PEX14: variants seen among roughly 807,000 people sequenced by gnomAD.
PEX14 encodes peroxisomal biogenesis factor 14.
Under a neutral mutation model 49.5 loss-of-function variants are expected in PEX14, and 15 were observed. The ratio of observed to expected loss-of-function variants is 0.30; its 90% CI spans 0.20 to 0.47. The LOEUF is 0.47. Among genes scored for constraint, PEX14 ranks in the 20% least tolerant of loss-of-function variants. The probability of loss-of-function intolerance (pLI) is 1.00; values close to 1 mark genes in which losing one functional copy is unlikely to be tolerated. For synonymous variants in PEX14, 210 were observed against 212.7 expected (o/e 0.99, Z 0.11); for missense variants, 398 against 494.8 (o/e 0.80, Z 1.86).
chr1:10,589,029 G>C (rs1290125373), intron 3 of PEX14, among the ~76,000 whole-genome samples: 1 of 152,044 alleles, frequency 6.6e-6, no homozygotes, highest in Admixed American at 6.5e-5. Flanking sequence ...AGATAAGGGT[G>C]GGCTACTGTA....
Position 10,630,207 on chromosome 1 carries a change from C to A in PEX14, c.*220C>A. 2.8e-6 allele frequency: 2 copies of A among 702,710 alleles called. No individual in the cohort carries two copies. The highest frequency in any genetic ancestry group is 4.6e-6 in the Non-Finnish European group (2 of 432,564). 43.5% of individuals were successfully genotyped at this position (702,710 alleles called of 1,614,324 possible). A position where few individuals can be genotyped will look rare whatever the true frequency, so the allele number is the denominator to read the frequency against. On this transcript the variant is annotated 3_prime_UTR_variant, in exon 9 of 9. Transcript: ENST00000356607. The surrounding 1 kb of genome is among the most constrained non-coding windows in gnomAD (Gnocchi z 4.1). ...CGCCAGCCCCAGCCCCAGCCCCAGCCCCAGGCCCAGCTGCCTTTGGCTTTG... is the reference window on the plus strand; with the variant it reads ...CGCCAGCCCCAGCCCCAGCCCCAGCACCAGGCCCAGCTGCCTTTGGCTTTG...
In PEX14 at chr1:10,629,009, C is replaced by G. The variant is rs956355830; in HGVS notation, c.678-522C>G. ...AGAAGTTTTCTAGCAAAGGGCATAA[C>G]CACCGCCCTTTTGGTTCTGATGTGT... is the stretch of plus-strand genomic sequence containing the variant. On this transcript the variant is annotated intron_variant, in intron 8 of 8. Coordinates refer to ENST00000356607, the MANE Select transcript of PEX14 (RefSeq NM_004565.3). This position sits in a 1 kb window ranked among gnomAD's most constrained non-coding sequence, Gnocchi z 8.5. Among the ~76,000 whole-genome samples the G allele has an allele frequency of 1.1e-4, 17 of 152,362 alleles. No individual in the cohort carries two copies. Among genetic ancestry groups the G allele is most frequent in the African/African-American group, 3.6e-4 (15 of 41,580 alleles).
rs1296744429 is a variant in PEX14, at chr1:10,630,016, G to A, written c.*29G>A. The A allele has an allele frequency of 2.5e-6, 4 of 1,604,832 alleles. No homozygotes were observed. In the East Asian group the frequency reaches 8.9e-5, roughly 36 times the overall value. On this transcript the variant is annotated 3_prime_UTR_variant, in exon 9 of 9. Transcript: ENST00000356607. The surrounding 1 kb of genome is among the most constrained non-coding windows in gnomAD (Gnocchi z 4.1). ...TGCGCCTGCTGCCTCCAGCCCTGAGGATGGCATCTAGTGTGCCCGTGCGTG... is the reference window on the plus strand; with the variant it reads ...TGCGCCTGCTGCCTCCAGCCCTGAGAATGGCATCTAGTGTGCCCGTGCGTG...
intron 3 of PEX14, among the ~76,000 whole-genome samples, chr1:10,576,875 G>C (rs1424516406): frequency 6.6e-6 from 1 of 151,234 alleles, no homozygotes; most frequent in African/African-American, 2.4e-5. Flanking sequence ...TCCTGCCTCT[G>C]CCTCCCAAGT....
intron 2 of PEX14, among the ~76,000 whole-genome samples, chr1:10,508,979 C>T (rs1641837792): frequency 6.6e-6 from 1 of 151,892 alleles, no homozygotes; most frequent in Non-Finnish European, 1.5e-5. Flanking sequence ...CTCTGTCGCC[C>T]AGGCTAGAGT....
Position 10,624,283 on chromosome 1 carries a change from G to T in PEX14, c.488-57G>T, listed in dbSNP as rs564462875. ...CAGCTCCGAGGTGTGCGGACCGAGCGAGGGGAACGTCTGTGCCTGTGAATT... is the reference window on the plus strand; with the variant it reads ...CAGCTCCGAGGTGTGCGGACCGAGCTAGGGGAACGTCTGTGCCTGTGAATT... On this transcript the variant is annotated intron_variant, in intron 6 of 8. Coordinates refer to ENST00000356607, the MANE Select transcript of PEX14 (RefSeq NM_004565.3). 8 of 1,118,806 alleles carry T rather than the reference G, an allele frequency of 7.2e-6. 1 individual carries two copies. In the East Asian group the frequency reaches 1.4e-4, roughly 20 times the overall value. The allele number at this position is 1,118,806 out of a possible 1,614,324, so 69.3% of individuals were successfully genotyped here.
intron 7 of PEX14, among the ~76,000 whole-genome samples, chr1:10,627,052 C>T (rs1029680000): frequency 8.5e-5 from 13 of 152,212 alleles, no homozygotes; most frequent in African/African-American, 3.1e-4. Flanking sequence ...GTAATGATTC[C>T]TTACGTCATC....
chr1:10,532,128 G>T (rs922110091), intron 2 of PEX14, among the ~76,000 whole-genome samples: 4 of 152,014 alleles, frequency 2.6e-5, no homozygotes, highest in Non-Finnish European at 5.9e-5. Flanking sequence ...CTCTCAATTG[G>T]CCAGTCATCT....
chr1:10,610,681 C>T (rs1362110365), intron 4 of PEX14, among the ~76,000 whole-genome samples: 1 of 152,122 alleles, frequency 6.6e-6, no homozygotes, highest in Non-Finnish European at 1.5e-5. Context: ...GACGAGGTTT[C>T]TCCATGTTGG....
At chr1:10,555,642 AGTGT>A (rs56824548) in intron 3 of PEX14, among the ~76,000 whole-genome samples, 1 of 149,372 alleles carries the variant, frequency 6.7e-6, no homozygotes, top group East Asian at 2.0e-4. Context: ...GCAAGGTGTG[AGTGT>A]GTGTGTGTGT....
chr1:10,570,601 G>A (rs543711335), intron 3 of PEX14, among the ~76,000 whole-genome samples: 2 of 152,204 alleles, frequency 1.3e-5, no homozygotes, highest in African/African-American at 4.8e-5. Flanking sequence ...CAAAGTGCTG[G>A]GATTACAGGC....
intron 2 of PEX14, among the ~76,000 whole-genome samples, chr1:10,510,013 T>A (rs1410766286): frequency 1.3e-5 from 2 of 152,176 alleles, no homozygotes; most frequent in African/African-American, 4.8e-5. Flanking sequence ...GACCCACCAA[T>A]TATAGATCAG....
At chr1:10,574,347 T>A (rs538503938) in intron 3 of PEX14, among the ~76,000 whole-genome samples, 1 of 152,338 alleles carries the variant, frequency 6.6e-6, no homozygotes, top group Admixed American at 6.5e-5. Context: ...AGAGTTGTAG[T>A]GGCCCCTCTG....
chr1:10,502,940 G>A (rs906719266), intron 2 of PEX14, among the ~76,000 whole-genome samples: 3 of 151,258 alleles, frequency 2.0e-5, no homozygotes, highest in Non-Finnish European at 4.4e-5. Flanking sequence ...TGGGACTACC[G>A]GTGCACACCA....
chr1:10,502,579 A>G (rs2124417850), intron 2 of PEX14, among the ~76,000 whole-genome samples: 1 of 152,276 alleles, frequency 6.6e-6, no homozygotes, highest in African/African-American at 2.4e-5. Context: ...AATTAAAGAA[A>G]TGGAATTTGA....
intron 3 of PEX14, among the ~76,000 whole-genome samples, chr1:10,537,160 A>C (rs4240914): frequency 0.16 from 25,058 of 152,126 alleles, 2,241 homozygotes; most frequent in South Asian, 0.31. Context: ...GAAGGGATGC[A>C]GCATGAACCA....
chr1:10,624,429 G>T lies in PEX14; in HGVS notation c.577G>T (p.Ala193Ser). Residue 193 changes from alanine (A) to serine (S), a missense_variant, in exon 7 of 9, where the codon GCT (alanine) becomes TCT (serine). By Grantham distance (99) the Ala-to-Ser change is moderately conservative. Transcript: ENST00000356607. Reference protein sequence around the residue: ...KIQELAHELAAAKATTSTNWI... With the variant: ...KIQELAHELASAKATTSTNWI... ...CCAGGAGCTTGCCCACGAGCTGGCC[G>T]CTGCCAAGGTACCTGTCTCTGCTGC... is the stretch of plus-strand genomic sequence containing the variant. The T allele has an allele frequency of 1.2e-6, 2 of 1,606,760 alleles. No homozygotes were observed. The highest frequency in any genetic ancestry group is 1.7e-6 in the Non-Finnish European group (2 of 1,173,902).
At chr1:10,479,287 G>C (rs930419072) in intron 1 of PEX14, among the ~76,000 whole-genome samples, 3 of 152,152 alleles carry the variant, frequency 2.0e-5, no homozygotes, top group Non-Finnish European at 4.4e-5. Context: ...TGAGGTGAGA[G>C]CATCACTTGG....
At chr1:10,543,905 A>G (rs896926038) in intron 3 of PEX14, among the ~76,000 whole-genome samples, 1 of 152,150 alleles carries the variant, frequency 6.6e-6, no homozygotes, top group Admixed American at 6.5e-5. Context: ...TGGCCCATGG[A>G]GCACAGAGAA....
Sources: allele counts gnomAD v4.1 joint callset (sites outside exome capture counted in the v4.1 genomes callset), GRCh38; gene constraint gnomAD v4.1.1; non-coding constraint Gnocchi (gnomAD v3.1); transcripts MANE v1.5; gene names NCBI Gene and HGNC (gene_info 2026-07-23, HGNC 2026-07-21).